Variants in THSD7A observed in about 807,000 individuals in gnomAD.
THSD7A encodes thrombospondin type 1 domain containing 7A.
Under a neutral mutation model 231.3 loss-of-function variants are expected in THSD7A, and 96 were observed. The ratio of observed to expected loss-of-function variants is 0.41; its 90% CI spans 0.35 to 0.49. The LOEUF is 0.49. Ranked by LOEUF, THSD7A falls within the 20% of genes least tolerant of loss-of-function variation. The probability of loss-of-function intolerance (pLI) is 0.05; values close to 1 mark genes in which losing one functional copy is unlikely to be tolerated. For synonymous variants in THSD7A, 940 were observed against 743.3 expected (o/e 1.26, Z -4.30); for missense variants, 2,290 against 2,070.2 (o/e 1.11, Z -2.06).
intron 26 of THSD7A, 54 bp downstream of exon 26, chr7:11,379,016 C>T (rs1782395439): frequency 1.3e-6 from 2 of 1,550,578 alleles, no homozygotes; most frequent in East Asian, 4.5e-5. Context: ...AATCCTTTGG[C>T]ATTGCCTAAA....
Position 11,443,748 on chromosome 7 carries a change from C to T in THSD7A, c.3064+2313G>A, listed in dbSNP as rs577385348. On this transcript the variant is annotated intron_variant, in intron 13 of 27. Transcript: ENST00000423059. ...AGATAGTTAAAATGGTAATATTATA[C>T]ATATTTATGGGGTACCTGTGATATT... Among the ~76,000 whole-genome samples the T allele has an allele frequency of 2.5e-4, 38 of 151,992 alleles. 1 individual carries two copies. The highest frequency in any genetic ancestry group is 8.3e-4 in the South Asian group (4 of 4,816).
intron 6 of THSD7A, among the ~76,000 whole-genome samples, chr7:11,492,971 G>C (rs1583843933): frequency 6.6e-6 from 1 of 152,094 alleles, no homozygotes. Flanking sequence ...AATGGAGGAA[G>C]TGCTCTATAA....
chr7:11,691,293 A>G (rs1780222492), intron 1 of THSD7A, among the ~76,000 whole-genome samples: 1 of 151,562 alleles, frequency 6.6e-6, no homozygotes. Flanking sequence ...AAGAAAGTGC[A>G]TGGTAATAGG....
At chr7:11,456,729 C>A (rs1785320419) in intron 11 of THSD7A, among the ~76,000 whole-genome samples, 1 of 151,830 alleles carries the variant, frequency 6.6e-6, no homozygotes, top group Non-Finnish European at 1.5e-5. Context: ...ATGAAAGCAG[C>A]CATAGGCAAT....
At position 11,589,268 on chromosome 7, in the gene THSD7A, C is replaced by G. The variant is rs547514934; in HGVS notation, c.1453+1192G>C. ...TTCCTCTCATCTCCTTTCCTCCCCT[C>G]CCGTCTCTACAACCTGCCAAATACA... is the stretch of plus-strand genomic sequence containing the variant. On this transcript the variant is annotated intron_variant, in intron 4 of 27. Coordinates refer to ENST00000423059, the MANE Select transcript of THSD7A (RefSeq NM_015204.3). 8.5e-5 allele frequency among the ~76,000 whole-genome samples: 13 copies of G among 152,280 alleles called. No homozygotes were observed. In the East Asian group the frequency reaches 2.5e-3, roughly 29 times the overall value.
At chr7:11,640,557 T>C (rs546022280) in intron 1 of THSD7A, among the ~76,000 whole-genome samples, 2 of 152,278 alleles carry the variant, frequency 1.3e-5, no homozygotes, top group South Asian at 4.1e-4. Context: ...GTAGTAATAT[T>C]ACATATATTT....
chr7:11,738,685 G>A (rs1782000439), intron 1 of THSD7A, among the ~76,000 whole-genome samples: 1 of 151,938 alleles, frequency 6.6e-6, no homozygotes, highest in Non-Finnish European at 1.5e-5. Context: ...AAACTGGAAG[G>A]GGCAGAAGAG....
intron 4 of THSD7A, among the ~76,000 whole-genome samples, chr7:11,585,038 C>G (rs962161457): frequency 1.3e-5 from 2 of 152,090 alleles, no homozygotes; most frequent in African/African-American, 4.8e-5. Context: ...AAAAACCTAC[C>G]AAGTCAAAGG....
chr7:11,405,290 T>C (rs2115366808), intron 22 of THSD7A, among the ~76,000 whole-genome samples: 1 of 152,264 alleles, frequency 6.6e-6, no homozygotes, highest in Non-Finnish European at 1.5e-5. Flanking sequence ...TTTAAAATTT[T>C]CTTAAATCAC....
chr7:11,785,364 G>A (rs1449418293), intron 1 of THSD7A, among the ~76,000 whole-genome samples: 8 of 152,002 alleles, frequency 5.3e-5, no homozygotes, highest in Admixed American at 6.6e-5. Context: ...AGCCTCCTGA[G>A]TAACTGGACT....
chr7:11,570,680 A>AG (rs1188795615), intron 4 of THSD7A, among the ~76,000 whole-genome samples: 1 of 152,204 alleles, frequency 6.6e-6, no homozygotes, highest in Non-Finnish European at 1.5e-5. Context: ...AAGTTTACAT[A>AG]AAGAACTACC....
intron 2 of THSD7A, among the ~76,000 whole-genome samples, chr7:11,614,830 G>GA (rs1450876656): frequency 6.6e-6 from 1 of 151,996 alleles, no homozygotes; most frequent in Admixed American, 6.6e-5. Flanking sequence ...CCAAGTTAGA[G>GA]AAAAAATAAA....
chr7:11,759,834 G>C (rs572059561), intron 1 of THSD7A, among the ~76,000 whole-genome samples: 2 of 152,132 alleles, frequency 1.3e-5, no homozygotes, highest in Non-Finnish European at 2.9e-5. Context: ...AATTGAGATA[G>C]TTTACAAACT....
intron 1 of THSD7A, among the ~76,000 whole-genome samples, chr7:11,827,942 T>C (rs752818190): frequency 4.6e-5 from 7 of 152,170 alleles, no homozygotes; most frequent in Non-Finnish European, 8.8e-5. Context: ...TGGAAGGCAC[T>C]GTGTCTTCTG....
At chr7:11,712,650 A>T (rs1023336779) in intron 1 of THSD7A, among the ~76,000 whole-genome samples, 1 of 151,114 alleles carries the variant, frequency 6.6e-6, no homozygotes, top group African/African-American at 2.4e-5. Context: ...ATGTAAGCAG[A>T]ATCTCAGATT....
Position 11,460,740 on chromosome 7 carries a change from A to G in THSD7A, c.2527T>C (p.Cys843Arg), listed in dbSNP as rs1785475476. The change falls in exon 11 of 28, where the codon TGC (cysteine) becomes CGC (arginine). Residue 843 changes from cysteine to arginine, a missense_variant. By Grantham distance (180) the Cys-to-Arg change is radical. Transcript: ENST00000423059. ...TGCACGCTCCAAGGGACTAATTGGC[A>G]TCTGCGCCATTTGTGAGTCTTCCAC... ...YRWKTHKWRR[C>R]QLVPWSVQQD... is the part of the protein sequence containing the mutation. The G allele has an allele frequency of 1.2e-6, 2 of 1,612,406 alleles. No individual in the cohort carries two copies. The highest frequency in any genetic ancestry group is 1.7e-6 in the Non-Finnish European group (2 of 1,179,392).
intron 6 of THSD7A, among the ~76,000 whole-genome samples, chr7:11,536,711 C>T (rs1180780180): frequency 1.3e-5 from 2 of 152,066 alleles, no homozygotes; most frequent in Non-Finnish European, 2.9e-5. Flanking sequence ...GGAGCACATC[C>T]TTAATAAGCT....
intron 6 of THSD7A, among the ~76,000 whole-genome samples, chr7:11,536,285 A>G (rs59758867): frequency 0.082 from 12,546 of 152,156 alleles, 796 homozygotes; most frequent in East Asian, 0.18. Flanking sequence ...CAACATTTAT[A>G]TTCCTTACCA....
chr7:11,385,244 T>C (rs1782683187), intron 23 of THSD7A: 1 of 152,076 alleles, frequency 6.6e-6, no homozygotes. Context: ...TCATATACTA[T>C]GAGAATGATA....
Sources: allele counts gnomAD v4.1 joint callset (sites outside exome capture counted in the v4.1 genomes callset), GRCh38; gene constraint gnomAD v4.1.1; transcripts MANE v1.5; gene names NCBI Gene and HGNC (gene_info 2026-07-23, HGNC 2026-07-21).